PTPN1: variants seen among roughly 807,000 people sequenced by gnomAD.
PTPN1 encodes tyrosine-protein phosphatase non-receptor type 1.
Under a neutral mutation model 59.9 loss-of-function variants are expected in PTPN1, and 12 were observed. The observed-to-expected ratio is 0.20, with a 90% confidence interval of 0.13 to 0.32. The LOEUF (loss-of-function observed/expected upper bound fraction) is 0.32, where lower values mean the gene tolerates loss of function less well. Among genes scored for constraint, PTPN1 ranks in the 10% least tolerant of loss-of-function variants. The pLI is 1.00. For missense variants in PTPN1, 356 were observed against 549.2 expected (o/e 0.65, Z 3.52); for synonymous variants, 178 against 203.6 (o/e 0.87, Z 1.07).
chr20:50,517,801 C>G (rs974714792), intron 1 of PTPN1, among the ~76,000 whole-genome samples: 1 of 152,158 alleles, frequency 6.6e-6, no homozygotes, highest in African/African-American at 2.4e-5. Flanking sequence ...AATTCTAAAT[C>G]CTTCTTGAGG....
At chr20:50,520,524 A>G (rs1459458016) in intron 1 of PTPN1, among the ~76,000 whole-genome samples, 1 of 152,216 alleles carries the variant, frequency 6.6e-6, no homozygotes, top group Non-Finnish European at 1.5e-5. Flanking sequence ...GTAAAAGATT[A>G]TGACCACGCC....
intron 7 of PTPN1, 97 bp from the exon 8 acceptor site, chr20:50,579,604 GCC>G (rs2082855115): frequency 7.3e-6 from 8 of 1,100,030 alleles, no homozygotes; most frequent in Non-Finnish European, 9.4e-6. Flanking sequence ...GAGGCCGAGA[GCC>G]CCTCGCCAAG....
chr20:50,528,306 G>A (rs1041098215), intron 1 of PTPN1, among the ~76,000 whole-genome samples: 5 of 152,078 alleles, frequency 3.3e-5, no homozygotes, highest in African/African-American at 4.8e-5. Flanking sequence ...CTCTGTAATA[G>A]CCTGTTTACT....
intron 8 of PTPN1, among the ~76,000 whole-genome samples, chr20:50,580,942 C>T (rs2122807096): frequency 6.6e-6 from 1 of 152,264 alleles, no homozygotes; most frequent in South Asian, 2.1e-4. Context: ...GCAAATCATA[C>T]AGTAGTGTGT....
At chr20:50,514,879 C>T (rs905734175) in intron 1 of PTPN1, among the ~76,000 whole-genome samples, 5 of 152,138 alleles carry the variant, frequency 3.3e-5, no homozygotes, top group Non-Finnish European at 7.4e-5. Context: ...TTTGAGTATC[C>T]AGGAGGGCTG....
At chr20:50,578,956 C>A (rs4809800) in intron 6 of PTPN1, among the ~76,000 whole-genome samples, 94,044 of 151,866 alleles carry the variant, frequency 0.62, 29,142 homozygotes, top group Middle Eastern at 0.78. Flanking sequence ...TCTTAACCAG[C>A]TCTCTTGTGA....
intron 8 of PTPN1, among the ~76,000 whole-genome samples, chr20:50,580,222 C>G (rs718052): frequency 3.7e-4 from 57 of 152,312 alleles, no homozygotes; most frequent in East Asian, 3.5e-3. Flanking sequence ...TTCTGCCCCC[C>G]CTGACGACAG....
intron 3 of PTPN1, among the ~76,000 whole-genome samples, chr20:50,567,111 T>C (rs536939541): frequency 9.2e-5 from 14 of 152,048 alleles, no homozygotes; most frequent in Non-Finnish European, 1.6e-4. Context: ...TGATGGGACT[T>C]AAAGGGAGAA....
chr20:50,548,768 A>T (rs1356502287), intron 1 of PTPN1, among the ~76,000 whole-genome samples: 1 of 152,168 alleles, frequency 6.6e-6, no homozygotes, highest in Non-Finnish European at 1.5e-5. Flanking sequence ...CCCAGGCTGT[A>T]GTGCAGTGGC....
chr20:50,567,735 A>G (rs2082785699), intron 3 of PTPN1, among the ~76,000 whole-genome samples: 1 of 152,102 alleles, frequency 6.6e-6, no homozygotes, highest in African/African-American at 2.4e-5. Flanking sequence ...ACATCTCCTA[A>G]GTTTGTTGGG....
At chr20:50,562,808 G>A (rs2082759315) in intron 2 of PTPN1, among the ~76,000 whole-genome samples, 1 of 152,164 alleles carries the variant, frequency 6.6e-6, no homozygotes, top group African/African-American at 2.4e-5. Context: ...TGATCAACAC[G>A]CAACAGAACC....
chr20:50,567,062 A>C (rs2082782650), intron 3 of PTPN1, among the ~76,000 whole-genome samples: 1 of 152,232 alleles, frequency 6.6e-6, no homozygotes, highest in African/African-American at 2.4e-5. Context: ...TCAGGAAAGA[A>C]AGTGAGAGGA....
intron 1 of PTPN1, among the ~76,000 whole-genome samples, chr20:50,534,465 C>G (rs1303612209): frequency 6.6e-6 from 1 of 152,116 alleles, no homozygotes; most frequent in Non-Finnish European, 1.5e-5. Context: ...TGTAAGCTTT[C>G]TGCTGCTTTT....
In PTPN1 at chr20:50,578,271, G is replaced by C. The variant is rs549423457; in HGVS notation, c.493-149G>C. 6.7e-6 allele frequency: 5 copies of C among 744,950 alleles called. No individual in the cohort carries two copies. The South Asian group carries it at 6.8e-5, about 10-fold the overall frequency. 46.1% of individuals were successfully genotyped at this position (744,950 alleles called of 1,614,324 possible). A position where few individuals can be genotyped will look rare whatever the true frequency, so the allele number is the denominator to read the frequency against. On this transcript the variant is annotated intron_variant, in intron 5 of 9. Transcript: ENST00000371621. Reference sequence around the variant, plus strand: ...CTGGCCCCAGGGTGTGGTATTTGTTGACTGGGTGTGTGGACCCTGGGAGAA... The same window carrying C: ...CTGGCCCCAGGGTGTGGTATTTGTTCACTGGGTGTGTGGACCCTGGGAGAA...
rs745934751 is a variant in PTPN1, at chr20:50,556,034, CT to C, written c.64-5316del. Among the ~76,000 whole-genome samples, 992 of 142,964 alleles carry C rather than the reference CT, an allele frequency of 6.9e-3. 1 individual carries two copies. The highest frequency in any genetic ancestry group is 0.019 in the African/African-American group (742 of 39,024). 93.8% of individuals were successfully genotyped at this position (142,964 alleles called of 152,430 possible). On this transcript the variant is annotated intron_variant, in intron 1 of 9. Transcript: ENST00000371621. ...GACTTAGATTTTTACTTTTTCAGGT[CT>C]TTTTTTTTTTTTCTGTGCTGTATAG...
At position 50,579,757 on chromosome 20, in the gene PTPN1, C is replaced by A; in HGVS notation, c.919C>A (p.Pro307Thr). Residue 307 changes from proline to threonine, a missense_variant, in exon 8 of 10, where the codon CCC becomes ACC. Pro to Thr is a conservative substitution (Grantham distance 38, BLOSUM62 -1). Transcript: ENST00000371621. ...EDLEPPPEHI[P>T]PPPRPPKRIL... Reference sequence around the variant, plus strand: ...CCTGGAGCCCCCACCCGAGCATATCCCCCCACCTCCCCGGCCACCCAAACG... The same window carrying A: ...CCTGGAGCCCCCACCCGAGCATATCACCCCACCTCCCCGGCCACCCAAACG... 1 of 1,613,494 alleles carries A rather than the reference C, an allele frequency of 6.2e-7. No homozygotes were observed. The highest frequency in any genetic ancestry group is 8.5e-7 in the Non-Finnish European group (1 of 1,179,956).
intron 1 of PTPN1, among the ~76,000 whole-genome samples, chr20:50,529,017 C>T (rs2082589597): frequency 1.3e-5 from 2 of 152,150 alleles, no homozygotes; most frequent in South Asian, 4.1e-4. Flanking sequence ...TGCTTGGTGG[C>T]TCCCTCATGG....
chr20:50,539,642 C>CT (rs2082640101), intron 1 of PTPN1, among the ~76,000 whole-genome samples: 1 of 128,640 alleles, frequency 7.8e-6, no homozygotes, highest in East Asian at 2.2e-4. Context: ...CCCTCTTTCT[C>CT]TCTTTTTTTT....
At chr20:50,518,613 T>C (rs2082538832) in intron 1 of PTPN1, among the ~76,000 whole-genome samples, 1 of 152,004 alleles carries the variant, frequency 6.6e-6, no homozygotes, top group African/African-American at 2.4e-5. Context: ...AGAGAATATG[T>C]CATTTTTTGG....
Sources: gnomAD v4.1 joint callset for allele counts (sites outside exome capture counted in the v4.1 genomes callset) on GRCh38, gnomAD v4.1.1 for gene constraint, MANE v1.5 for transcripts, NCBI Gene and HGNC (gene_info 2026-07-23, HGNC 2026-07-21) for gene names.